DYM: variants seen among roughly 807,000 people sequenced by gnomAD.
DYM encodes dyggve-Melchior-Clausen syndrome protein.
Under a neutral mutation model 93.1 loss-of-function variants are expected in DYM, and 78 were observed. That is an observed-to-expected ratio of 0.84 (90% CI 0.70 to 1.01). DYM has a LOEUF of 1.01. DYM is among the 50% of genes least tolerant of loss of function. The pLI, the probability that DYM is intolerant of heterozygous loss-of-function variation, is 0.00. For synonymous variants in DYM, 321 were observed against 319.7 expected, an observed-to-expected ratio of 1.00 and a Z score of -0.04; for missense variants, 789 against 845.0, an observed-to-expected ratio of 0.93 and a Z score of 0.82.
At chr18:49,156,279 C>A (rs988750045) in intron 15 of DYM, among the ~76,000 whole-genome samples, 1 of 152,156 alleles carries the variant, frequency 6.6e-6, no homozygotes. Context: ...CAACAAGATG[C>A]TCAGTTGGCC....
chr18:49,209,479 T>C, intron 14 of DYM, 72 bp downstream of exon 14: 2 of 993,436 alleles, frequency 2.0e-6, no homozygotes, highest in South Asian at 4.4e-5. Flanking sequence ...GACACATGTC[T>C]TATTAAAACA....
rs117101702 is a variant in DYM at position 49,321,096 on chromosome 18, C to T, written c.763+10768G>A. The T allele has an allele frequency of 3.8e-3, 1,202 of 313,074 alleles. 18 individuals are homozygous for T. In the East Asian group the frequency reaches 0.04, roughly 11 times the overall value. The allele number at this position is 313,074 out of a possible 1,614,324, so 19.4% of individuals were successfully genotyped here. A position where few individuals can be genotyped will look rare whatever the true frequency, so the allele number is the denominator to read the frequency against. Reference sequence around the variant, plus strand: ...AATAAGTTTTAACCACTTCATTTTTCAAAGAATAAGATTTATAGTCTCAAA... The same window carrying T: ...AATAAGTTTTAACCACTTCATTTTTTAAAGAATAAGATTTATAGTCTCAAA... On this transcript the variant is annotated intron_variant, in intron 8 of 17. Transcript: ENST00000675505.
intron 15 of DYM, among the ~76,000 whole-genome samples, chr18:49,152,167 T>G (rs2085888453): frequency 6.6e-6 from 1 of 152,300 alleles, no homozygotes; most frequent in South Asian, 2.1e-4. Context: ...CATAAAAGTT[T>G]TTTAATAATT....
At chr18:49,454,468 G>A (rs976519353) in intron 1 of DYM, among the ~76,000 whole-genome samples, 1 of 152,106 alleles carries the variant, frequency 6.6e-6, no homozygotes, top group African/African-American at 2.4e-5. Context: ...AGACAGGATG[G>A]TGCCAATCAA....
chr18:49,156,273 A>G (rs754813038), intron 15 of DYM, among the ~76,000 whole-genome samples: 2 of 152,232 alleles, frequency 1.3e-5, no homozygotes, highest in Non-Finnish European at 2.9e-5. Context: ...ACAGTCCAAC[A>G]AGATGCTCAG....
At chr18:49,194,427 G>A (rs1337407959) in intron 14 of DYM, among the ~76,000 whole-genome samples, 1 of 152,110 alleles carries the variant, frequency 6.6e-6, no homozygotes, top group African/African-American at 2.4e-5. Flanking sequence ...TGGGAAAAAA[G>A]GATCTACTAC....
intron 6 of DYM, among the ~76,000 whole-genome samples, chr18:49,362,152 C>A (rs1371877412): frequency 3.3e-5 from 5 of 151,782 alleles, no homozygotes; most frequent in African/African-American, 1.2e-4. Context: ...AGGCGTGAGA[C>A]ACTGCACCTG....
chr18:49,166,607 A>C (rs1440902980), intron 14 of DYM, among the ~76,000 whole-genome samples: 1 of 152,112 alleles, frequency 6.6e-6, no homozygotes, highest in Non-Finnish European at 1.5e-5. Flanking sequence ...GAGATGCAAA[A>C]AAAAAAAGGT....
chr18:49,066,358 T>C lies in DYM; in HGVS notation c.2026-22154A>G, dbSNP rs368997317. Among the ~76,000 whole-genome samples the C allele has an allele frequency of 3.4e-4, 52 of 152,346 alleles. 1 individual carries two copies. The South Asian group carries it at 0.01, about 30-fold the overall frequency. On this transcript the variant is annotated intron_variant, in intron 17 of 17. Transcript: ENST00000675505. ...GTTCTATCTGTGAATTTTATGTTAA[T>C]GGAATTACACAGTGTATAACCTTCT...
intron 16 of DYM, among the ~76,000 whole-genome samples, chr18:49,113,948 G>A (rs919111125): frequency 1.3e-5 from 2 of 152,122 alleles, no homozygotes; most frequent in African/African-American, 2.4e-5. Context: ...CTGAAAACAC[G>A]GGATTTAATA....
chr18:49,198,721 G>A (rs2091724742), intron 14 of DYM, among the ~76,000 whole-genome samples: 1 of 151,436 alleles, frequency 6.6e-6, no homozygotes, highest in Non-Finnish European at 1.5e-5. Context: ...TAAAAAGTCA[G>A]GAAACAACAG....
chr18:49,435,080 C>T (rs146683968), intron 1 of DYM, among the ~76,000 whole-genome samples: 4 of 148,176 alleles, frequency 2.7e-5, no homozygotes, highest in African/African-American at 4.9e-5. Context: ...TGGTGGTGTG[C>T]GCCTATAATC....
intron 15 of DYM, among the ~76,000 whole-genome samples, chr18:49,152,249 A>G (rs9951691): frequency 0.75 from 114,562 of 152,052 alleles, 44,019 homozygotes; most frequent in Non-Finnish European, 0.84. Flanking sequence ...TCCTCTTCAG[A>G]AGTAAGAAAA....
intron 17 of DYM, among the ~76,000 whole-genome samples, chr18:49,054,378 A>T (rs2075292534): frequency 6.6e-6 from 1 of 151,894 alleles, no homozygotes; most frequent in African/African-American, 2.4e-5. Context: ...AGTAGCTGGG[A>T]TTAGAGGGGC....
intron 13 of DYM, among the ~76,000 whole-genome samples, chr18:49,213,330 C>T (rs1183346129): frequency 6.7e-6 from 1 of 150,084 alleles, no homozygotes; most frequent in Non-Finnish European, 1.5e-5. Flanking sequence ...GGAGTTTTGC[C>T]CTGTTGCCTA....
At chr18:49,454,964 G>C (rs2082853611) in intron 1 of DYM, among the ~76,000 whole-genome samples, 1 of 144,810 alleles carries the variant, frequency 6.9e-6, no homozygotes, top group African/African-American at 2.6e-5. Context: ...TCCTTTTTTG[G>C]ACCTCTCTCT....
intron 5 of DYM, among the ~76,000 whole-genome samples, chr18:49,365,511 T>C (rs1455609524): frequency 6.6e-6 from 1 of 152,188 alleles, no homozygotes. Flanking sequence ...GCCAAGGCTG[T>C]CCAACATAAC....
intron 1 of DYM, among the ~76,000 whole-genome samples, chr18:49,448,339 G>A (rs2082268732): frequency 6.6e-6 from 1 of 152,178 alleles, no homozygotes; most frequent in Admixed American, 6.5e-5. Context: ...CATTATCTAA[G>A]GGTAAATGCT....
intron 14 of DYM, among the ~76,000 whole-genome samples, chr18:49,176,566 A>G (rs890386335): frequency 6.7e-6 from 1 of 148,416 alleles, no homozygotes; most frequent in African/African-American, 2.5e-5. Context: ...ACGTGTCACC[A>G]AGCCTGGCTT....
Sources: gnomAD v4.1 joint callset for allele counts (sites outside exome capture counted in the v4.1 genomes callset) on GRCh38, gnomAD v4.1.1 for gene constraint, MANE v1.5 for transcripts, NCBI Gene and HGNC (gene_info 2026-07-23, HGNC 2026-07-21) for gene names.